Variants in ATP8A2 observed in about 807,000 individuals in gnomAD.
The protein encoded by ATP8A2 is phospholipid-transporting ATPase IB.
Under a neutral mutation model 165.6 loss-of-function variants are expected in ATP8A2, and 100 were observed. That is an observed-to-expected ratio of 0.60 (90% CI 0.51 to 0.71). The LOEUF (loss-of-function observed/expected upper bound fraction) is 0.71, where lower values mean the gene tolerates loss of function less well. ATP8A2 is among the 30% of genes least tolerant of loss of function. ATP8A2 has a pLI of 0.00. For synonymous variants in ATP8A2, 543 were observed against 548.8 expected (o/e 0.99, Z 0.15); for missense variants, 1,227 against 1,479.5 (o/e 0.83, Z 2.80).
At chr13:25,964,193 A>T (rs1427585330) in intron 34 of ATP8A2, among the ~76,000 whole-genome samples, 3 of 152,228 alleles carry the variant, frequency 2.0e-5, no homozygotes, top group Non-Finnish European at 4.4e-5. Context: ...GGTGCTTTCT[A>T]AAATGGATTT....
At chr13:25,609,587 G>GGATTCAAATATATATATATATATTTTGA (rs1208923986) in intron 24 of ATP8A2, among the ~76,000 whole-genome samples, 2 of 35,902 alleles carry the variant, frequency 5.6e-5, no homozygotes, top group Non-Finnish European at 7.1e-5. Context: ...ATATATTTGG[G>GGATTCAAATATATATATATATATTTTGA]TTCAAATATA....
At chr13:25,678,073 G>A (rs943299264) in intron 24 of ATP8A2, among the ~76,000 whole-genome samples, 2 of 152,106 alleles carry the variant, frequency 1.3e-5, no homozygotes, top group East Asian at 1.9e-4. Flanking sequence ...TAGCTCAGAC[G>A]ACCCAGAAGA....
intron 10 of ATP8A2, among the ~76,000 whole-genome samples, chr13:25,545,512 A>C (rs1299718871): frequency 6.6e-6 from 1 of 152,128 alleles, no homozygotes; most frequent in Non-Finnish European, 1.5e-5. Context: ...ATTTCAAAAA[A>C]AAAAATAGTT....
At chr13:25,593,970 T>C (rs560191182) in intron 24 of ATP8A2, among the ~76,000 whole-genome samples, 2 of 152,372 alleles carry the variant, frequency 1.3e-5, no homozygotes, top group East Asian at 3.9e-4. Flanking sequence ...AGCTACTTGA[T>C]AGTTAAAACA....
chr13:25,688,211 G>C lies in ATP8A2; in HGVS notation c.2212-10962G>C, dbSNP rs142707067. Among the ~76,000 whole-genome samples, 11 of 152,252 alleles carry C rather than the reference G, an allele frequency of 7.2e-5. No individual in the cohort carries two copies. The East Asian group carries it at 1.5e-3, about 21-fold the overall frequency. On this transcript the variant is annotated intron_variant, in intron 24 of 36. Coordinates refer to ENST00000381655, the MANE Select transcript of ATP8A2 (RefSeq NM_016529.6). The stretch of plus-strand genomic sequence containing the variant: ...CATTATAGGCCTTTCCTGCCTAAGA[G>C]TTAATTACAGGATTTTGTTTCTTGC...
intron 2 of ATP8A2, among the ~76,000 whole-genome samples, chr13:25,521,075 G>A (rs1420634785): frequency 6.6e-6 from 1 of 152,160 alleles, no homozygotes; most frequent in Non-Finnish European, 1.5e-5. Flanking sequence ...GCAGTGAGAT[G>A]ATATCTCATT....
intron 24 of ATP8A2, among the ~76,000 whole-genome samples, chr13:25,677,169 C>G (rs953277152): frequency 1.3e-5 from 2 of 152,162 alleles, no homozygotes; most frequent in African/African-American, 4.8e-5. Context: ...CCACTGTGGT[C>G]TCTGCTAGCC....
chr13:25,992,218 C>CTTTTTTT (rs560341350), intron 35 of ATP8A2, among the ~76,000 whole-genome samples: 1 of 120,556 alleles, frequency 8.3e-6, no homozygotes, highest in East Asian at 2.5e-4. Context: ...CAGTGCTGTC[C>CTTTTTTT]TTTTTTTTTT....
intron 31 of ATP8A2, 42 bp from the exon 32 acceptor site, chr13:25,860,762 A>G: frequency 3.4e-6 from 5 of 1,458,556 alleles, no homozygotes; most frequent in Non-Finnish European, 3.8e-6. Context: ...AAAATAACTC[A>G]TTGAGAATAA....
chr13:25,928,756 C>G (rs1296659317), intron 33 of ATP8A2, among the ~76,000 whole-genome samples: 2 of 152,176 alleles, frequency 1.3e-5, no homozygotes, highest in Non-Finnish European at 2.9e-5. Flanking sequence ...GGTCCCATGC[C>G]TCAGGCTGAT....
intron 25 of ATP8A2, among the ~76,000 whole-genome samples, chr13:25,723,878 G>A (rs1293691083): frequency 6.6e-6 from 1 of 152,120 alleles, no homozygotes; most frequent in African/African-American, 2.4e-5. Flanking sequence ...TTTAAATCTG[G>A]GTGGAGAGAA....
chr13:25,831,704 G>A lies in ATP8A2; in HGVS notation c.2754+3512G>A, dbSNP rs146215592. ...CTAAAAGTACAAACATTAGCTGGGC[G>A]TGACGGTGTGCACCTGTAATCCCAG... On this transcript the variant is annotated intron_variant, in intron 28 of 36. Coordinates refer to ENST00000381655, the MANE Select transcript of ATP8A2 (RefSeq NM_016529.6). Among the ~76,000 whole-genome samples, 831 of 151,788 alleles carry A rather than the reference G, an allele frequency of 5.5e-3. 5 individuals carry two copies. Among genetic ancestry groups the A allele is most frequent in the African/African-American group, 0.019 (794 of 41,474 alleles).
At chr13:25,830,980 T>C (rs1951448356) in intron 28 of ATP8A2, among the ~76,000 whole-genome samples, 3 of 152,176 alleles carry the variant, frequency 2.0e-5, no homozygotes, top group Admixed American at 2.0e-4. Context: ...CTATTCTTGC[T>C]CCAATAATGC....
intron 24 of ATP8A2, among the ~76,000 whole-genome samples, chr13:25,682,148 G>A (rs955044651): frequency 1.3e-5 from 2 of 152,148 alleles, no homozygotes; most frequent in Non-Finnish European, 2.9e-5. Flanking sequence ...CTGTAATTCA[G>A]ACTCTTTTTT....
chr13:25,790,473 C>G (rs151173739), intron 27 of ATP8A2, among the ~76,000 whole-genome samples: 66 of 151,784 alleles, frequency 4.3e-4, no homozygotes, highest in Middle Eastern at 3.4e-3. Flanking sequence ...ATTGCTTGAG[C>G]CCAGGAGTTT....
At chr13:25,894,505 C>T (rs1205325157) in intron 33 of ATP8A2, among the ~76,000 whole-genome samples, 1 of 151,990 alleles carries the variant, frequency 6.6e-6, no homozygotes, top group African/African-American at 2.4e-5. Context: ...TTAGGATTGA[C>T]TTGGCAATAT....
In ATP8A2 at chr13:25,941,479, T is replaced by C. The variant is rs576392320; in HGVS notation, c.3184-20096T>C. Reference sequence around the variant, plus strand: ...GGAGGCAGCGTGTCTGGCCGTCTTCTGGCTGCAATGCTCTTCTTACCTGCG... The same window carrying C: ...GGAGGCAGCGTGTCTGGCCGTCTTCCGGCTGCAATGCTCTTCTTACCTGCG... On this transcript the variant is annotated intron_variant, in intron 33 of 36. Coordinates refer to ENST00000381655, the MANE Select transcript of ATP8A2 (RefSeq NM_016529.6). Among the ~76,000 whole-genome samples, 6 of 152,280 alleles carry C rather than the reference T, an allele frequency of 3.9e-5. No individual in the cohort carries two copies. The South Asian group carries it at 1.2e-3, about 32-fold the overall frequency.
intron 2 of ATP8A2, among the ~76,000 whole-genome samples, chr13:25,488,030 A>T (rs1219508221): frequency 1.3e-5 from 2 of 152,180 alleles, no homozygotes; most frequent in Non-Finnish European, 2.9e-5. Flanking sequence ...CCTAGAAAGC[A>T]TGTCGGGAAG....
At chr13:25,902,440 A>G (rs931497559) in intron 33 of ATP8A2, among the ~76,000 whole-genome samples, 5 of 152,174 alleles carry the variant, frequency 3.3e-5, no homozygotes, top group Admixed American at 1.3e-4. Flanking sequence ...AGGAAACCCC[A>G]TATCTGGTGG....
Sources: allele counts gnomAD v4.1 joint callset (sites outside exome capture counted in the v4.1 genomes callset), GRCh38; gene constraint gnomAD v4.1.1; transcripts MANE v1.5; gene names NCBI Gene and HGNC (gene_info 2026-07-23, HGNC 2026-07-21).